Variants in KTN1 observed in about 807,000 individuals in gnomAD.
The protein encoded by KTN1 is kinectin.
A neutral mutation model predicts 222.5 loss-of-function variants in KTN1; 130 were observed. The observed-to-expected ratio is 0.58, with a 90% CI of 0.51 to 0.68. The LOEUF (loss-of-function observed/expected upper bound fraction) is 0.68. Ranked by LOEUF, KTN1 falls within the 30% of genes least tolerant of loss-of-function variation. KTN1 has a pLI of 0.00. For missense variants in KTN1, 1,508 were observed against 1,500.4 expected (o/e 1.01, Z -0.08); for synonymous variants, 512 against 496.3 (o/e 1.03, Z -0.42).
chr14:55,586,830 G>C (rs1370082494), intron 1 of KTN1, among the ~76,000 whole-genome samples: 2 of 152,124 alleles, frequency 1.3e-5, no homozygotes, highest in Non-Finnish European at 1.5e-5. Flanking sequence ...GCAGTAGATA[G>C]AATGTCGTCC....
At chr14:55,605,009 T>C (rs565570561) in intron 1 of KTN1, among the ~76,000 whole-genome samples, 105 of 152,310 alleles carry the variant, frequency 6.9e-4, no homozygotes, top group Middle Eastern at 3.4e-3. Context: ...CAAAATCTGA[T>C]CTAGAACTCC....
chr14:55,606,638 A>G (rs1033239390), intron 1 of KTN1, among the ~76,000 whole-genome samples: 3 of 152,188 alleles, frequency 2.0e-5, no homozygotes, highest in African/African-American at 7.2e-5. Flanking sequence ...TTGAAATTTA[A>G]TAGTATACTT....
chr14:55,681,684 G>GTTTT (rs2046380099), intron 43 of KTN1: 2 of 152,118 alleles, frequency 1.3e-5, no homozygotes, highest in Non-Finnish European at 2.9e-5. Context: ...GTCCAAGTTT[G>GTTTT]GCAAGTGGGT....
intron 7 of KTN1, among the ~76,000 whole-genome samples, chr14:55,631,366 A>ATATATATATG (rs1166499462): frequency 6.9e-6 from 1 of 145,956 alleles, no homozygotes. Flanking sequence ...ATATATATAT[A>ATATATATATG]TATGTATTTT....
At position 55,678,602 on chromosome 14, in the gene KTN1, T is replaced by G. The variant is rs972072933; in HGVS notation, c.3948+158T>G. The G allele has an allele frequency of 1.0e-5, 6 of 597,228 alleles. No individual in the cohort carries two copies. The African/African-American group carries it at 1.1e-4, about 11-fold the overall frequency. The allele number at this position is 597,228 out of a possible 1,614,324, so 37.0% of individuals were successfully genotyped here. A position where few individuals can be genotyped will look rare whatever the true frequency, so the allele number is the denominator to read the frequency against. ...CATTGATGTTTGATCTCATTTTTGCTTATTGAGGTATGTTAATTTTAAGGG... is the reference window on the plus strand; with the variant it reads ...CATTGATGTTTGATCTCATTTTTGCGTATTGAGGTATGTTAATTTTAAGGG... On this transcript the variant is annotated intron_variant, in intron 42 of 43. Coordinates refer to ENST00000395314, the MANE Select transcript of KTN1 (RefSeq NM_001079521.2).
intron 27 of KTN1, 101 bp from the exon 28 acceptor site, chr14:55,653,458 T>C (rs115959124): frequency 1.2e-6 from 1 of 832,716 alleles, no homozygotes; most frequent in Non-Finnish European, 1.9e-6. Flanking sequence ...CATATAATTA[T>C]GTTTTTGTTT....
At position 55,652,910 on chromosome 14, in the gene KTN1, A is replaced by G. The variant is rs780150850; in HGVS notation, c.2664A>G (p.Lys888=). Residue 888 remains lysine, a synonymous_variant, in exon 26 of 44, where the codon AAA becomes AAG. Transcript: ENST00000395314. ...TMKAVLEEKE[K]DLANTGKWLQ... ...AGGCTGTTTTGGAAGAGAAAGAGAA[A>G]GACCTAGCCAATACAGGGAAGTGGT... The G allele has an allele frequency of 3.1e-6, 5 of 1,611,772 alleles. No individual in the cohort carries two copies. The highest frequency in any genetic ancestry group is 4.2e-6 in the Non-Finnish European group (5 of 1,178,496).
chr14:55,653,584 A>G lies in KTN1; in HGVS notation c.2789A>G (p.Glu930Gly), dbSNP rs760839168. The change falls in exon 28 of 44, where the codon GAA becomes GGA. Residue 930 changes from glutamate (E) to glycine (G), a missense_variant. Glu to Gly is a moderately conservative substitution (Grantham distance 98). Transcript: ENST00000395314. ...GCCTCTTCTGCATCACAGTTTGAAG[A>G]ACTTGAGATTGTGTAAGTATGCTTT... ...KEASSASQFEELEIVLKEKEN... is the reference protein window; with the variant it reads ...KEASSASQFEGLEIVLKEKEN... 1.2e-6 allele frequency: 2 copies of G among 1,610,304 alleles called. No homozygotes were observed. Among genetic ancestry groups the G allele is most frequent in the South Asian group, 2.2e-5 (2 of 90,790 alleles).
At chr14:55,628,878 A>T (rs1230225796) in intron 6 of KTN1, among the ~76,000 whole-genome samples, 1 of 152,248 alleles carries the variant, frequency 6.6e-6, no homozygotes, top group Non-Finnish European at 1.5e-5. Flanking sequence ...TATGATGTGT[A>T]TACTTCTAAG....
chr14:55,660,383 T>C (rs1421458275), intron 31 of KTN1, among the ~76,000 whole-genome samples: 1 of 143,604 alleles, frequency 7.0e-6, no homozygotes, highest in African/African-American at 2.5e-5. Context: ...TTGTCTTTCT[T>C]AAGGAGTTTT....
intron 1 of KTN1, among the ~76,000 whole-genome samples, chr14:55,582,529 A>G (rs1325481537): frequency 6.6e-6 from 1 of 152,212 alleles, no homozygotes; most frequent in African/African-American, 2.4e-5. Flanking sequence ...GTCATGGTTA[A>G]GATGACACGT....
intron 1 of KTN1, among the ~76,000 whole-genome samples, chr14:55,604,450 A>G (rs1214557689): frequency 1.3e-5 from 2 of 152,206 alleles, no homozygotes; most frequent in African/African-American, 2.4e-5. Context: ...AGCCTGGGCA[A>G]CATGGCAAAA....
At chr14:55,599,279 G>A (rs141319969) in intron 1 of KTN1, among the ~76,000 whole-genome samples, 467 of 151,846 alleles carry the variant, frequency 3.1e-3, no homozygotes, top group Non-Finnish European at 3.9e-3. Context: ...AGTTTTTTGG[G>A]ATCTACTCCC....
intron 18 of KTN1, 74 bp downstream of exon 18, chr14:55,641,834 C>T (rs1275994388): frequency 9.6e-6 from 9 of 935,534 alleles, no homozygotes; most frequent in Non-Finnish European, 1.5e-5. Flanking sequence ...ATTTAGGTAC[C>T]AAATTACTAA....
At chr14:55,672,770 C>G (rs2045561978) in intron 38 of KTN1, 69 bp downstream of exon 38, 2 of 1,167,486 alleles carry the variant, frequency 1.7e-6, no homozygotes, top group African/African-American at 1.5e-5. Flanking sequence ...GTCTGAAGAT[C>G]TATAGTTTAA....
intron 28 of KTN1, among the ~76,000 whole-genome samples, chr14:55,654,099 G>T (rs1374641637): frequency 6.6e-6 from 1 of 152,104 alleles, no homozygotes; most frequent in East Asian, 1.9e-4. Context: ...CAGCATAAGA[G>T]GTGTCAGTTT....
intron 43 of KTN1, chr14:55,682,097 G>A (rs926281534): frequency 2.6e-5 from 4 of 152,138 alleles, no homozygotes; most frequent in Admixed American, 2.6e-4. Context: ...AATAAAGGGA[G>A]AGTTGTTTTT....
Position 55,637,221 on chromosome 14 carries a change from A to G in KTN1, c.1573A>G (p.Lys525Glu). ...QQDLQSKFVA[K>E]ENEVQSLHSK... is the part of the protein sequence containing the mutation. ...AGATTTACAGAGTAAATTTGTGGCC[A>G]AAGAAAATGAAGTACAGAGTCTGCA... The change falls in exon 11 of 44, where the codon AAA (lysine) becomes GAA (glutamate). Residue 525 changes from lysine to glutamate, a missense_variant. By Grantham distance (56) the Lys-to-Glu change is moderately conservative (BLOSUM62 1). Transcript: ENST00000395314. 1.2e-6 allele frequency: 2 copies of G among 1,603,926 alleles called. No homozygotes were observed. The highest frequency in any genetic ancestry group is 1.7e-6 in the Non-Finnish European group (2 of 1,174,930).
intron 43 of KTN1, chr14:55,683,728 T>A: frequency 5.6e-6 from 1 of 177,884 alleles, no homozygotes; most frequent in Non-Finnish European, 1.2e-5. Context: ...AAAAAATCTA[T>A]TTCTGCTCTT....
Sources: allele counts gnomAD v4.1 joint callset (sites outside exome capture counted in the v4.1 genomes callset), GRCh38; gene constraint gnomAD v4.1.1; transcripts MANE v1.5; gene names NCBI Gene and HGNC (gene_info 2026-07-23, HGNC 2026-07-21).